The following SYT9 variants were observed in gnomAD, a reference collection of about 807,000 sequenced individuals.
The protein encoded by SYT9 is synaptotagmin-9.
In SYT9, 22 loss-of-function variants were observed where a neutral mutation model predicts 48.4. The ratio of observed to expected loss-of-function variants is 0.45; its 90% CI spans 0.32 to 0.65. The LOEUF is 0.65. Ranked by LOEUF, SYT9 falls within the 30% of genes least tolerant of loss-of-function variation. The pLI is 0.03. For synonymous variants in SYT9, 265 were observed against 245.0 expected, an observed-to-expected ratio of 1.08 and a Z score of -0.76; for missense variants, 577 against 622.0, an observed-to-expected ratio of 0.93 and a Z score of 0.77.
chr11:7,287,584 G>T (rs1034644263), intron 1 of SYT9, among the ~76,000 whole-genome samples: 3 of 152,130 alleles, frequency 2.0e-5, no homozygotes, highest in Admixed American at 6.5e-5. Flanking sequence ...TAGTGGTTGT[G>T]GTCTCTATCC....
chr11:7,248,652 A>G (rs1009681725), upstream of SYT9, among the ~76,000 whole-genome samples: 3 of 151,980 alleles, frequency 2.0e-5, no homozygotes, highest in Non-Finnish European at 4.4e-5. Context: ...TACAAGGAAG[A>G]CTGCAAAACA....
intron 3 of SYT9, among the ~76,000 whole-genome samples, chr11:7,358,187 T>C (rs984622487): frequency 3.3e-5 from 5 of 152,078 alleles, no homozygotes; most frequent in African/African-American, 1.2e-4. Flanking sequence ...GTCATAATAA[T>C]GGTCTTCTTA....
intron 3 of SYT9, among the ~76,000 whole-genome samples, chr11:7,404,096 AT>A (rs1434364010): frequency 2.0e-5 from 3 of 152,116 alleles, no homozygotes; most frequent in Non-Finnish European, 2.9e-5. Context: ...CTCCAGATAT[AT>A]TTTTATTAGT....
At chr11:7,344,929 TACACACACACACACACAC>T (rs60652691) in intron 3 of SYT9, among the ~76,000 whole-genome samples, 105 of 148,912 alleles carry the variant, frequency 7.1e-4, no homozygotes, top group Non-Finnish European at 1.3e-3. Context: ...CTCATTATTT[TACACACACACACACACAC>T]ACACACACAC....
At chr11:7,403,184 A>T (rs1418135843) in intron 3 of SYT9, among the ~76,000 whole-genome samples, 3 of 152,096 alleles carry the variant, frequency 2.0e-5, no homozygotes, top group Non-Finnish European at 4.4e-5. Context: ...ACAAATTTTA[A>T]TATGTGTGTT....
At chr11:7,298,773 A>G (rs186619012) in intron 1 of SYT9, among the ~76,000 whole-genome samples, 1 of 152,212 alleles carries the variant, frequency 6.6e-6, no homozygotes, top group East Asian at 1.9e-4. Flanking sequence ...TGTTGCTACA[A>G]TGCATCACGT....
intron 1 of SYT9, among the ~76,000 whole-genome samples, chr11:7,266,546 C>T (rs141898654): frequency 1.2e-3 from 187 of 152,272 alleles, no homozygotes; most frequent in African/African-American, 4.3e-3. Flanking sequence ...AGGATCCACT[C>T]TGCACGCTGA....
intron 6 of SYT9, chr11:7,438,026 A>C (rs940971910): frequency 6.6e-6 from 1 of 152,182 alleles, no homozygotes; most frequent in African/African-American, 2.4e-5. Flanking sequence ...GGACAGAGAG[A>C]TGTAGATGAA....
At chr11:7,246,361 C>T (rs1436980439) in intron 1 of SYT9, among the ~76,000 whole-genome samples, 2 of 152,188 alleles carry the variant, frequency 1.3e-5, no homozygotes, top group Admixed American at 6.5e-5. Flanking sequence ...CTATATATTA[C>T]CCAGGACCTG....
rs923070382 is a variant in SYT9, at chr11:7,321,424, G to T, written c.1044+7483G>T. Among the ~76,000 whole-genome samples the T allele has an allele frequency of 1.6e-4, 25 of 152,238 alleles. No individual in the cohort carries two copies. In the Middle Eastern group the frequency reaches 0.01, roughly 62 times the overall value. On this transcript the variant is annotated intron_variant, in intron 3 of 6. Transcript: ENST00000318881. ...TCCAGAGTGCTTGCTCTTCATAGTC[G>T]AATACAAATGGGGCAGGCAGGCTCT...
intron 6 of SYT9, among the ~76,000 whole-genome samples, chr11:7,459,084 A>G (rs1421016069): frequency 2.0e-5 from 3 of 152,240 alleles, no homozygotes; most frequent in Non-Finnish European, 4.4e-5. Flanking sequence ...GGGAGACCCA[A>G]TAGGGTTTTC....
At chr11:7,244,058 G>A (rs1400279941) in intron 1 of SYT9, among the ~76,000 whole-genome samples, 2 of 152,016 alleles carry the variant, frequency 1.3e-5, no homozygotes, top group Admixed American at 6.5e-5. Flanking sequence ...GTTCTGAAAC[G>A]ATGAACAAAT....
intron 1 of SYT9, among the ~76,000 whole-genome samples, chr11:7,273,069 A>G (rs1277217714): frequency 2.0e-5 from 3 of 152,194 alleles, no homozygotes; most frequent in Non-Finnish European, 4.4e-5. Context: ...GATAGAATCT[A>G]TAGAACATGA....
intron 1 of SYT9, among the ~76,000 whole-genome samples, chr11:7,258,570 A>T (rs995920397): frequency 1.3e-5 from 2 of 152,158 alleles, no homozygotes; most frequent in African/African-American, 2.4e-5. Flanking sequence ...AAAGAAAAAA[A>T]AATCTTCTAG....
intron 3 of SYT9, among the ~76,000 whole-genome samples, chr11:7,362,819 A>T (rs1850169037): frequency 1.3e-5 from 2 of 152,100 alleles, no homozygotes; most frequent in Non-Finnish European, 2.9e-5. Context: ...TTAATTGAAG[A>T]TGTAACCATT....
chr11:7,254,821 A>G (rs11602914), intron 1 of SYT9, among the ~76,000 whole-genome samples: 79,441 of 151,582 alleles, frequency 0.52, 20,953 homozygotes, highest in Admixed American at 0.56. Context: ...GTGGACAGCA[A>G]AGTGACCCTG....
intron 3 of SYT9, among the ~76,000 whole-genome samples, chr11:7,360,895 T>G (rs939783656): frequency 4.6e-5 from 7 of 152,184 alleles, no homozygotes; most frequent in African/African-American, 1.7e-4. Flanking sequence ...GTTATAATTT[T>G]TTCAAGTTAT....
intron 6 of SYT9, chr11:7,427,719 T>G (rs1306171369): frequency 1.3e-5 from 2 of 152,344 alleles, no homozygotes; most frequent in East Asian, 3.9e-4. Context: ...GAAGAAATTA[T>G]TCTTCAGATT....
intron 1 of SYT9, among the ~76,000 whole-genome samples, chr11:7,273,179 AAG>A (rs1483146676): frequency 2.0e-5 from 3 of 151,970 alleles, no homozygotes; most frequent in Non-Finnish European, 4.4e-5. Context: ...GGGAATGAGA[AAG>A]AGAGACTGAA....
Sources: gnomAD v4.1 joint callset for allele counts (sites outside exome capture counted in the v4.1 genomes callset) on GRCh38, gnomAD v4.1.1 for gene constraint, MANE v1.5 for transcripts, NCBI Gene and HGNC (gene_info 2026-07-23, HGNC 2026-07-21) for gene names.